The following RP1 variants were observed in gnomAD, a reference collection of about 807,000 sequenced individuals.
The protein encoded by RP1 is oxygen-regulated protein 1.
In RP1, 16 loss-of-function variants were observed where a neutral mutation model predicts 14.8. That is an observed-to-expected ratio of 1.08 (90% CI 0.73 to 1.65). The LOEUF (loss-of-function observed/expected upper bound fraction) is 1.65. RP1 is among the 40% of genes most tolerant of loss of function. The pLI, the probability that RP1 is intolerant of heterozygous loss-of-function variation, is 0.00. For missense variants in RP1, 2,631 were observed against 2,535.0 expected (o/e 1.04, Z -0.81); for synonymous variants, 876 against 883.6 (o/e 0.99, Z 0.15).
chr8:54,620,640 T>C (rs1805833450), intron 1 of RP1, among the ~76,000 whole-genome samples: 1 of 152,250 alleles, frequency 6.6e-6, no homozygotes, highest in South Asian at 2.1e-4. Context: ...AAGATACATC[T>C]ATAAGGTCAT....
intron 6 of RP1, among the ~76,000 whole-genome samples, chr8:54,661,791 T>TA (rs886428514): frequency 6.6e-6 from 1 of 151,830 alleles, no homozygotes; most frequent in Non-Finnish European, 1.5e-5. Context: ...TTCTTTTTTT[T>TA]AAAAAAGTAT....
intron 24 of RP1, among the ~76,000 whole-genome samples, chr8:54,797,993 T>A (rs999063674): frequency 6.6e-6 from 1 of 151,142 alleles, no homozygotes; most frequent in Non-Finnish European, 1.5e-5. Flanking sequence ...CAGGAGCTCC[T>A]CCTGGATGGT....
At position 54,584,423 on chromosome 8, in the gene RP1, A is replaced by G. The variant is rs185284838; in HGVS notation, c.-13+25103A>G. Among the ~76,000 whole-genome samples, 110 of 152,228 alleles carry G rather than the reference A, an allele frequency of 7.2e-4. No individual in the cohort carries two copies. In the East Asian group the frequency reaches 0.02, roughly 28 times the overall value. ...GCTCAGGAGTGCTTTACTTCCAACTATGTGGTCAATTTTGGAATAGGTGTG... is the reference window on the plus strand; with the variant it reads ...GCTCAGGAGTGCTTTACTTCCAACTGTGTGGTCAATTTTGGAATAGGTGTG... On this transcript the variant is annotated intron_variant, in intron 1 of 22. Transcript: ENST00000636932.
At chr8:54,576,311 C>T (rs1804661061) in intron 1 of RP1, among the ~76,000 whole-genome samples, 1 of 152,354 alleles carries the variant, frequency 6.6e-6, no homozygotes, top group East Asian at 1.9e-4. Flanking sequence ...TCCCAAAGTG[C>T]TGGGATTACA....
intron 14 of RP1, among the ~76,000 whole-genome samples, chr8:54,703,154 G>T (rs1808065761): frequency 6.6e-6 from 1 of 152,100 alleles, no homozygotes; most frequent in African/African-American, 2.4e-5. Flanking sequence ...ATCTAGAATG[G>T]TGAATCTTTT....
intron 12 of RP1, among the ~76,000 whole-genome samples, chr8:54,680,906 C>T (rs1258831696): frequency 6.7e-6 from 1 of 149,836 alleles, no homozygotes; most frequent in Non-Finnish European, 1.5e-5. Context: ...TGCAGTGAGC[C>T]GAGATAGAGC....
intron 24 of RP1, among the ~76,000 whole-genome samples, chr8:54,798,249 C>T (rs1043448519): frequency 1.2e-4 from 19 of 152,036 alleles, no homozygotes; most frequent in African/African-American, 4.1e-4. Flanking sequence ...TGAGCTCAGG[C>T]GATCTGCCTG....
Position 54,627,634 on chromosome 8 carries a change from T to A in RP1, c.3752T>A (p.Val1251Asp). ...ASEACAPEVC[V>D]LEVTCSPCEM... Reference sequence around the variant, plus strand: ...GAGGCATGTGCCCCTGAAGTCTGTGTTTTGGAAGTGACTTGCTCTCCATGT... The same window carrying A: ...GAGGCATGTGCCCCTGAAGTCTGTGATTTGGAAGTGACTTGCTCTCCATGT... Residue 1251 changes from valine to aspartate, a missense_variant, in exon 4 of 4, where the codon GTT (valine) becomes GAT (aspartate). Coordinates refer to ENST00000220676, the MANE Select transcript of RP1 (RefSeq NM_006269.2). The A allele has an allele frequency of 6.2e-7, 1 of 1,614,182 alleles. No homozygotes were observed. The highest frequency in any genetic ancestry group is 8.5e-7 in the Non-Finnish European group (1 of 1,179,996).
intron 7 of RP1, among the ~76,000 whole-genome samples, chr8:54,670,573 G>GTATGTATATGTATATATATACATATA (rs1807144899): frequency 7.5e-6 from 1 of 133,198 alleles, no homozygotes; most frequent in African/African-American, 2.8e-5. Flanking sequence ...ACATATATAT[G>GTATGTATATGTATATATATACATATA]TATGTATATG....
At chr8:54,618,623 T>C (rs1433676050) in intron 1 of RP1, among the ~76,000 whole-genome samples, 2 of 152,174 alleles carry the variant, frequency 1.3e-5, no homozygotes, top group Admixed American at 1.3e-4. Flanking sequence ...TAAAATATAA[T>C]TGGAGACAGA....
At chr8:54,656,057 T>G (rs1169737267) in intron 5 of RP1, 2 of 1,466,076 alleles carry the variant, frequency 1.4e-6, no homozygotes, top group Admixed American at 4.7e-5. Flanking sequence ...CCTACATTTT[T>G]AAAAGTAATA....
At chr8:54,581,176 C>G (rs1364444815) in intron 1 of RP1, among the ~76,000 whole-genome samples, 1 of 151,172 alleles carries the variant, frequency 6.6e-6, no homozygotes, top group African/African-American at 2.4e-5. Flanking sequence ...CCACAACAGG[C>G]CCCGGTGTGT....
intron 25 of RP1, among the ~76,000 whole-genome samples, chr8:54,840,934 A>G (rs1442565628): frequency 2.0e-5 from 3 of 152,242 alleles, no homozygotes; most frequent in Non-Finnish European, 4.4e-5. Context: ...GCTCTGACAT[A>G]TCAGTCCAGT....
At chr8:54,665,648 T>C (rs185561495) in intron 7 of RP1, among the ~76,000 whole-genome samples, 1 of 152,292 alleles carries the variant, frequency 6.6e-6, no homozygotes, top group East Asian at 1.9e-4. Context: ...CACAGTTGCA[T>C]TGCTGTTTGT....
At chr8:54,797,588 C>T (rs547938667) in intron 24 of RP1, among the ~76,000 whole-genome samples, 2 of 151,850 alleles carry the variant, frequency 1.3e-5, no homozygotes, top group African/African-American at 4.8e-5. Context: ...CCTCAGTCCA[C>T]TGCATGTGTT....
Position 54,626,627 on chromosome 8 carries a change from T to C in RP1, c.2745T>C (p.Tyr915=). Residue 915 remains tyrosine (Y), a synonymous_variant, in exon 4 of 4, where the codon TAT becomes TAC. Coordinates refer to ENST00000220676, the MANE Select transcript of RP1 (RefSeq NM_006269.2). The part of the protein sequence containing the change: ...EAIAHHSIQN[Y]IQSWLQNINP... ...TTGCTCATCATTCAATTCAAAATTATATACAGAGTTGGTTGCAGAACATAA... is the reference window on the plus strand; with the variant it reads ...TTGCTCATCATTCAATTCAAAATTACATACAGAGTTGGTTGCAGAACATAA... The C allele has an allele frequency of 1.9e-6, 3 of 1,613,732 alleles. No individual in the cohort carries two copies. Among genetic ancestry groups the C allele is most frequent in the East Asian group, 2.2e-5 (1 of 44,818 alleles).
chr8:54,770,379 C>T (rs1213024142), downstream of RP1, among the ~76,000 whole-genome samples: 1 of 151,650 alleles, frequency 6.6e-6, no homozygotes, highest in East Asian at 1.9e-4. Flanking sequence ...TTCCTTAATG[C>T]TTCTCTTCAA....
At chr8:54,851,096 T>G (rs924020170) in intron 25 of RP1, among the ~76,000 whole-genome samples, 5 of 152,142 alleles carry the variant, frequency 3.3e-5, no homozygotes. Context: ...CGTGCATACT[T>G]TTTGAGGTGC....
chr8:54,757,096 C>G (rs149901279), intron 21 of RP1, among the ~76,000 whole-genome samples: 1 of 152,072 alleles, frequency 6.6e-6, no homozygotes, highest in Non-Finnish European at 1.5e-5. Flanking sequence ...TTATTTTCCT[C>G]GGTGCTTGGG....
Sources: gnomAD v4.1 joint callset for allele counts (sites outside exome capture counted in the v4.1 genomes callset) on GRCh38, gnomAD v4.1.1 for gene constraint, MANE v1.5 for transcripts, NCBI Gene and HGNC (gene_info 2026-07-23, HGNC 2026-07-21) for gene names.